SDC3: variants seen among roughly 807,000 people sequenced by gnomAD.
SDC3 encodes syndecan 3, also known as syndecan-3.
SDC3 carries 13 observed loss-of-function variants against 24.4 expected under a neutral mutation model. That is an observed-to-expected ratio of 0.53 (90% CI 0.35 to 0.85). The LOEUF (loss-of-function observed/expected upper bound fraction) is 0.85, where lower values mean the gene tolerates loss of function less well. SDC3 is among the 40% of genes least tolerant of loss of function. The pLI is 0.01. For missense variants in SDC3, 571 were observed against 584.5 expected, an observed-to-expected ratio of 0.98 and a Z score of 0.24; for synonymous variants, 295 against 260.9, an observed-to-expected ratio of 1.13 and a Z score of -1.26.
chr1:30,883,018 T>C (rs902541521), intron 1 of SDC3, among the ~76,000 whole-genome samples: 2 of 152,218 alleles, frequency 1.3e-5, no homozygotes, highest in African/African-American at 4.8e-5. Context: ...TGTTAGTTTA[T>C]GTTAAAATTT....
chr1:30,889,186 T>C (rs189988004), intron 1 of SDC3, among the ~76,000 whole-genome samples: 42 of 152,266 alleles, frequency 2.8e-4, no homozygotes, highest in African/African-American at 9.9e-4. Flanking sequence ...ACCTACTAAA[T>C]GGGTATAGTA....
At chr1:30,907,050 G>T (rs374907809) in intron 1 of SDC3, among the ~76,000 whole-genome samples, 1 of 152,212 alleles carries the variant, frequency 6.6e-6, no homozygotes, top group Non-Finnish European at 1.5e-5. Context: ...CAAGCTTGGA[G>T]CCCCTGCCTG....
intron 1 of SDC3, among the ~76,000 whole-genome samples, chr1:30,907,179 C>T (rs1307406740): frequency 6.6e-6 from 1 of 152,210 alleles, no homozygotes; most frequent in Non-Finnish European, 1.5e-5. Flanking sequence ...CTGGGGGATG[C>T]AGGACAGCAT....
At chr1:30,875,421 C>T (rs1309053843) in intron 3 of SDC3, among the ~76,000 whole-genome samples, 1 of 152,150 alleles carries the variant, frequency 6.6e-6, no homozygotes, top group African/African-American at 2.4e-5. Context: ...CAGGCTGCCC[C>T]AGCTGCTTGA....
chr1:30,877,314 A>G, intron 2 of SDC3, 149 bp from the exon 3 acceptor site: 1 of 1,064,514 alleles, frequency 9.4e-7, no homozygotes, highest in Non-Finnish European at 1.4e-6. Context: ...GAAAGGAGGA[A>G]GGCACAGCCC....
At chr1:30,892,913 C>G (rs947186091) in intron 1 of SDC3, among the ~76,000 whole-genome samples, 3 of 152,192 alleles carry the variant, frequency 2.0e-5, no homozygotes, top group African/African-American at 7.2e-5. Context: ...ATTCATCCTC[C>G]CCTGAGCCTC....
chr1:30,878,998 A>G (rs1002948032), intron 1 of SDC3: 3 of 469,528 alleles, frequency 6.4e-6, no homozygotes, highest in Non-Finnish European at 1.2e-5. Flanking sequence ...GTCATTTTTC[A>G]TCTTGACTGC....
chr1:30,902,493 G>T (rs989546678), intron 1 of SDC3, among the ~76,000 whole-genome samples: 1 of 152,204 alleles, frequency 6.6e-6, no homozygotes, highest in Non-Finnish European at 1.5e-5. Context: ...CCAAGAGCCA[G>T]CCCGATGTTC....
At position 30,874,237 on chromosome 1, in the gene SDC3, G is replaced by GC; in HGVS notation, c.1162+59dup. 2.1e-6 allele frequency: 3 copies of GC among 1,411,464 alleles called. No homozygotes were observed. In the East Asian group the frequency reaches 6.9e-5, roughly 32 times the overall value. 87.4% of individuals were successfully genotyped at this position (1,411,464 alleles called of 1,614,324 possible). A position where few individuals can be genotyped will look rare whatever the true frequency, so the allele number is the denominator to read the frequency against. On this transcript the variant is annotated intron_variant, in intron 4 of 4. Transcript: ENST00000339394. ...GTTCCTAGAGGCAAACTGAGGCCCA[G>GC]CCAGCTGTCTCACTCTGGTATCCTC...
intron 1 of SDC3, among the ~76,000 whole-genome samples, chr1:30,894,140 A>AGT (rs1297672213): frequency 1.6e-4 from 24 of 150,814 alleles, no homozygotes; most frequent in African/African-American, 5.4e-4. Context: ...TGTGAGAGAG[A>AGT]GTGTGTGATT....
rs11338317 is a variant in SDC3, at chr1:30,869,536, CA to C, written c.*3674del. The C allele has an allele frequency of 0.43, 148,243 of 343,666 alleles. 15,746 individuals carry two copies. Among genetic ancestry groups the C allele is most frequent in the East Asian group, 0.55 (14,430 of 26,098 alleles). 21.3% of individuals were successfully genotyped at this position (343,666 alleles called of 1,614,324 possible). ...AGGAAGTGTTAAAAAAACAAACAAACAAAAAAAAAAAAAAAAAAAAAAAAAC... is the reference window on the plus strand; with the variant it reads ...AGGAAGTGTTAAAAAAACAAACAAACAAAAAAAAAAAAAAAAAAAAAAAAC... On this transcript the variant is annotated 3_prime_UTR_variant, in exon 5 of 5. Coordinates refer to ENST00000339394, the MANE Select transcript of SDC3 (RefSeq NM_014654.4).
In SDC3 at chr1:30,869,898, G is replaced by T; in HGVS notation, c.*3313C>A. On this transcript the variant is annotated 3_prime_UTR_variant, in exon 5 of 5. Transcript: ENST00000339394. ...CATGCATTTGCCACGCTGAGGCCAG[G>T]GTCACTGTGGTGCCAGGCAGGCACC... The T allele has an allele frequency of 2.5e-6, 1 of 398,604 alleles. No individual in the cohort carries two copies. Among genetic ancestry groups the T allele is most frequent in the South Asian group, 1.3e-4 (1 of 7,820 alleles). The allele number at this position is 398,604 out of a possible 1,614,324, so 24.7% of individuals were successfully genotyped here.
rs142835863 is a variant in SDC3, at chr1:30,893,003, C to T, written c.139-14263G>A. ...TGGCCCCCTCCCCTATAGGGAGCTC[C>T]ACCAGGGAAAGGCCAGCCCAACAGC... On this transcript the variant is annotated intron_variant, in intron 1 of 4. Coordinates refer to ENST00000339394, the MANE Select transcript of SDC3 (RefSeq NM_014654.4). Among the ~76,000 whole-genome samples the T allele has an allele frequency of 3.7e-3, 558 of 152,316 alleles. 6 individuals are homozygous for T. The highest frequency in any genetic ancestry group is 0.013 in the African/African-American group (520 of 41,562).
At chr1:30,876,505 A>ATT in intron 3 of SDC3, 47 bp downstream of exon 3, 1 of 1,009,208 alleles carries the variant, frequency 9.9e-7, no homozygotes, top group Non-Finnish European at 1.5e-6. Context: ...CCCTCCCCTG[A>ATT]CCCACCCTCC....
At position 30,872,945 on chromosome 1, in the gene SDC3, T is replaced by C; in HGVS notation, c.*266A>G. On this transcript the variant is annotated 3_prime_UTR_variant, in exon 5 of 5. Coordinates refer to ENST00000339394, the MANE Select transcript of SDC3 (RefSeq NM_014654.4). Reference sequence around the variant, plus strand: ...CTTTCTTCCTCCCATCCATCTGACATGAGGTCCTGAAGCCCCAGACTGGTG... The same window carrying C: ...CTTTCTTCCTCCCATCCATCTGACACGAGGTCCTGAAGCCCCAGACTGGTG... The C allele has an allele frequency of 2.1e-6, 1 of 465,334 alleles. No homozygotes were observed. Among genetic ancestry groups the C allele is most frequent in the Non-Finnish European group, 3.8e-6 (1 of 262,890 alleles). 28.8% of individuals were successfully genotyped at this position (465,334 alleles called of 1,614,324 possible). A position where few individuals can be genotyped will look rare whatever the true frequency, so the allele number is the denominator to read the frequency against.
At chr1:30,884,918 C>G (rs1287677158) in intron 1 of SDC3, among the ~76,000 whole-genome samples, 1 of 148,396 alleles carries the variant, frequency 6.7e-6, no homozygotes, top group Non-Finnish European at 1.5e-5. Flanking sequence ...ACGCAGCTAT[C>G]AACAATTGAG....
At chr1:30,887,902 G>T (rs1639853395) in intron 1 of SDC3, among the ~76,000 whole-genome samples, 1 of 152,226 alleles carries the variant, frequency 6.6e-6, no homozygotes. Flanking sequence ...ACCGAGGAAT[G>T]AACAAGAGTT....
intron 1 of SDC3, among the ~76,000 whole-genome samples, 189 bp downstream of exon 1, chr1:30,908,260 G>A (rs577117582): frequency 8.6e-4 from 129 of 150,308 alleles, no homozygotes; most frequent in Non-Finnish European, 1.5e-3. Flanking sequence ...ATTCCGGAGG[G>A]GGGGGAGCAG....
At chr1:30,905,493 C>A (rs952469145) in intron 1 of SDC3, among the ~76,000 whole-genome samples, 7 of 151,784 alleles carry the variant, frequency 4.6e-5, no homozygotes, top group Admixed American at 4.6e-4. Flanking sequence ...TAGTAGGTGC[C>A]AGCCACTGGG....
Sources: gnomAD v4.1 joint callset for allele counts (sites outside exome capture counted in the v4.1 genomes callset) on GRCh38, gnomAD v4.1.1 for gene constraint, MANE v1.5 for transcripts, NCBI Gene and HGNC (gene_info 2026-07-23, HGNC 2026-07-21) for gene names.